SLC35G2: variants seen among roughly 807,000 people sequenced by gnomAD.
SLC35G2 encodes solute carrier family 35 member G2.
Under a neutral mutation model 27.2 loss-of-function variants are expected in SLC35G2, and 20 were observed. The observed-to-expected ratio is 0.74, with a 90% confidence interval of 0.52 to 1.07. The LOEUF is 1.07. Ranked by LOEUF, SLC35G2 falls within the 50% of genes least tolerant of loss-of-function variation. The pLI, the probability that SLC35G2 is intolerant of heterozygous loss-of-function variation, is 0.00. For synonymous variants in SLC35G2, 148 were observed against 165.3 expected (o/e 0.90, Z 0.80); for missense variants, 416 against 493.3 (o/e 0.84, Z 1.48).
At position 136,854,724 on chromosome 3, in the gene SLC35G2, A is replaced by G. The variant is rs1437771744; in HGVS notation, c.264A>G (p.Gly88=). The stretch of plus-strand genomic sequence containing the variant: ...AAGACCCAATGATCAATGAGATTGG[A>G]CAATTCCAGAGCTTTGCAGAAAAAA... ...PTEDPMINEI[G]QFQSFAEKNI... The change falls in exon 2 of 2, where the codon GGA becomes GGG. Residue 88 remains glycine (G), a synonymous_variant. Transcript: ENST00000446465. The G allele has an allele frequency of 6.2e-7, 1 of 1,614,154 alleles. No homozygotes were observed. Among genetic ancestry groups the G allele is most frequent in the Non-Finnish European group, 8.5e-7 (1 of 1,180,012 alleles).
intron 1 of SLC35G2, among the ~76,000 whole-genome samples, chr3:136,833,887 TTAATTC>T (rs1165228803): frequency 3.3e-5 from 5 of 152,120 alleles, no homozygotes; most frequent in African/African-American, 1.2e-4. Context: ...CTCATGGTCT[TTAATTC>T]TATGTATTGT....
intron 1 of SLC35G2, among the ~76,000 whole-genome samples, chr3:136,821,080 A>T (rs1936446579): frequency 6.6e-6 from 1 of 152,190 alleles, no homozygotes; most frequent in African/African-American, 2.4e-5. Flanking sequence ...TAAAGTTTAC[A>T]TTTGTATTTT....
chr3:136,855,224 C>T lies in SLC35G2; in HGVS notation c.764C>T (p.Ala255Val), dbSNP rs372131529. 6.2e-7 allele frequency: 1 copy of T among 1,614,048 alleles called. No individual in the cohort carries two copies. Among genetic ancestry groups the T allele is most frequent in the African/African-American group, 1.3e-5 (1 of 74,928 alleles). ...TCTTTGTTAAATGCCTGGAAAGAAGCCTTTGGGTACACCATGACTGTGATG... is the reference window on the plus strand; with the variant it reads ...TCTTTGTTAAATGCCTGGAAAGAAGTCTTTGGGTACACCATGACTGTGATG... ...DNSLLNAWKE[A>V]FGYTMTVMAG... Residue 255 changes from alanine to valine, a missense_variant, in exon 2 of 2, where the codon GCC (alanine) becomes GTC (valine). By Grantham distance (64) the Ala-to-Val change is moderately conservative (BLOSUM62 0). Coordinates refer to ENST00000446465, the MANE Select transcript of SLC35G2 (RefSeq NM_025246.3).
At chr3:136,838,885 T>C (rs1936978884) in intron 1 of SLC35G2, 1 of 152,216 alleles carries the variant, frequency 6.6e-6, no homozygotes, top group Admixed American at 6.5e-5. Context: ...AACCAAGAAG[T>C]ACAACTTTAA....
At chr3:136,839,965 A>G (rs1045064207) in intron 1 of SLC35G2, among the ~76,000 whole-genome samples, 3 of 152,090 alleles carry the variant, frequency 2.0e-5, no homozygotes, top group African/African-American at 7.2e-5. Flanking sequence ...AGCCCAGCAA[A>G]ATCCTCAGGT....
At chr3:136,835,348 T>C (rs1446685750) in intron 1 of SLC35G2, among the ~76,000 whole-genome samples, 1 of 144,634 alleles carries the variant, frequency 6.9e-6, no homozygotes, top group East Asian at 2.1e-4. Flanking sequence ...TTTAGGTTTG[T>C]CTGATGTTTC....
rs1335821074 is a variant in SLC35G2, at chr3:136,854,524, G to T, written c.64G>T (p.Val22Leu). 1 of 1,607,420 alleles carries T rather than the reference G, an allele frequency of 6.2e-7. No individual in the cohort carries two copies. The highest frequency in any genetic ancestry group is 8.5e-7 in the Non-Finnish European group (1 of 1,177,546). The change falls in exon 2 of 2, where the codon GTG (valine) becomes TTG (leucine). Residue 22 changes from valine to leucine, a missense_variant. Coordinates refer to ENST00000446465, the MANE Select transcript of SLC35G2 (RefSeq NM_025246.3). ...KKRVKIHPNT[V>L]MVKYTSHYPQ... The stretch of plus-strand genomic sequence containing the variant: ...ACGGGTGAAAATACATCCCAACACA[G>T]TGATGGTGAAATATACTTCTCATTA...
At chr3:136,834,975 A>G (rs1365791595) in intron 1 of SLC35G2, among the ~76,000 whole-genome samples, 1 of 152,166 alleles carries the variant, frequency 6.6e-6, no homozygotes, top group African/African-American at 2.4e-5. Flanking sequence ...ATCGAAGGTA[A>G]GTTGCAGAGG....
chr3:136,833,670 A>G (rs1468298225), intron 1 of SLC35G2, among the ~76,000 whole-genome samples: 1 of 152,120 alleles, frequency 6.6e-6, no homozygotes, highest in African/African-American at 2.4e-5. Flanking sequence ...TGTGAGATAT[A>G]ATGTTGCCGT....
intron 1 of SLC35G2, among the ~76,000 whole-genome samples, chr3:136,853,821 T>C (rs1368619211): frequency 2.6e-5 from 4 of 152,170 alleles, no homozygotes; most frequent in Admixed American, 6.6e-5. Flanking sequence ...TTAATACATA[T>C]GGTCCAACTG....
intron 1 of SLC35G2, among the ~76,000 whole-genome samples, chr3:136,847,835 G>T (rs73231915): frequency 4.1e-4 from 63 of 152,228 alleles, no homozygotes; most frequent in Non-Finnish European, 7.6e-4. Flanking sequence ...GGATTTGGTG[G>T]TGGCTGTGGT....
At position 136,844,084 on chromosome 3, in the gene SLC35G2, C is replaced by T. The variant is rs150220762; in HGVS notation, c.-18-10359C>T. 4.8e-3 allele frequency among the ~76,000 whole-genome samples: 737 copies of T among 152,164 alleles called. 2 individuals carry two copies. The highest frequency in any genetic ancestry group is 8.6e-3 in the Non-Finnish European group (585 of 68,014). Reference sequence around the variant, plus strand: ...TAAGAAAACAAATTTGCTGGCCGGGCACGGAGAGAATCAAGGAGAATTGCT... The same window carrying T: ...TAAGAAAACAAATTTGCTGGCCGGGTACGGAGAGAATCAAGGAGAATTGCT... On this transcript the variant is annotated intron_variant, in intron 1 of 1. Transcript: ENST00000446465.
rs1936506348 is a variant in SLC35G2, at chr3:136,823,400, A to G, written c.-19+3772A>G. On this transcript the variant is annotated intron_variant, in intron 1 of 1. Transcript: ENST00000446465. ...CTGACTGTTTCCTTTGCTGTGCAGA[A>G]GCTTTTAAACTTGATGTGACACCAT... Among the ~76,000 whole-genome samples, 5 of 152,214 alleles carry G rather than the reference A, an allele frequency of 3.3e-5. No homozygotes were observed. The South Asian group carries it at 1.0e-3, about 32-fold the overall frequency.
chr3:136,824,820 T>C (rs772502365), intron 1 of SLC35G2, among the ~76,000 whole-genome samples: 9 of 152,206 alleles, frequency 5.9e-5, no homozygotes, highest in Non-Finnish European at 1.3e-4. Flanking sequence ...TACATAGGTA[T>C]ACATGTGCCA....
chr3:136,830,793 A>T (rs1553783950), intron 1 of SLC35G2, among the ~76,000 whole-genome samples: 3 of 151,772 alleles, frequency 2.0e-5, no homozygotes, highest in Non-Finnish European at 4.4e-5. Flanking sequence ...AATCTCAGTA[A>T]TTTTTTTTCT....
intron 1 of SLC35G2, among the ~76,000 whole-genome samples, chr3:136,829,845 C>T (rs1429690305): frequency 6.6e-6 from 1 of 151,968 alleles, no homozygotes; most frequent in African/African-American, 2.4e-5. Context: ...CTTTTAGGAT[C>T]CTTTCTTTAT....
chr3:136,828,574 A>G (rs934036199), intron 1 of SLC35G2, among the ~76,000 whole-genome samples: 3 of 152,054 alleles, frequency 2.0e-5, no homozygotes, highest in African/African-American at 7.2e-5. Flanking sequence ...TTTGGTTTTC[A>G]TTGGCGTGGA....
chr3:136,842,839 A>G (rs946057591), intron 1 of SLC35G2: 1 of 152,242 alleles, frequency 6.6e-6, no homozygotes, highest in Non-Finnish European at 1.5e-5. Flanking sequence ...TTCCCTTTAG[A>G]TGGTGCCTGG....
rs776650771 is a variant in SLC35G2, at chr3:136,855,710, AT to A, written c.*13del. The A allele has an allele frequency of 1.3e-6, 2 of 1,559,518 alleles. No individual in the cohort carries two copies. Among genetic ancestry groups the A allele is most frequent in the South Asian group, 2.2e-5 (2 of 89,176 alleles). On this transcript the variant is annotated 3_prime_UTR_variant, in exon 2 of 2. Coordinates refer to ENST00000446465, the MANE Select transcript of SLC35G2 (RefSeq NM_025246.3). Reference sequence around the variant, plus strand: ...TCTCCCATTAAATGAATACCTGATTATTATTGTCTCATTAATGTTCAGTTAT... The same window carrying A: ...TCTCCCATTAAATGAATACCTGATTATATTGTCTCATTAATGTTCAGTTAT...
Sources: allele counts gnomAD v4.1 joint callset (sites outside exome capture counted in the v4.1 genomes callset), GRCh38; gene constraint gnomAD v4.1.1; transcripts MANE v1.5; gene names NCBI Gene and HGNC (gene_info 2026-07-23, HGNC 2026-07-21).